GRM1: variants seen among roughly 807,000 people sequenced by gnomAD.
GRM1 encodes the protein glutamate metabotropic receptor 1.
Under a neutral mutation model 90.9 loss-of-function variants are expected in GRM1, and 33 were observed. The observed-to-expected ratio is 0.36, with a 90% CI of 0.28 to 0.49. The LOEUF is 0.49. GRM1 is among the 20% of genes least tolerant of loss of function. The probability of loss-of-function intolerance (pLI) is 0.99; values close to 1 mark genes in which losing one functional copy is unlikely to be tolerated. For missense variants in GRM1, 1,190 were observed against 1,534.3 expected, an observed-to-expected ratio of 0.78 and a Z score of 3.75; for synonymous variants, 700 against 613.2, an observed-to-expected ratio of 1.14 and a Z score of -2.09.
chr6:146,421,358 A>G (rs982727462), intron 7 of GRM1, among the ~76,000 whole-genome samples: 1 of 151,796 alleles, frequency 6.6e-6, no homozygotes, highest in African/African-American at 2.4e-5. Context: ...TATACATAAT[A>G]CTAGTTATAC....
chr6:146,084,555 G>C (rs1776478380), intron 1 of GRM1, among the ~76,000 whole-genome samples: 3 of 152,108 alleles, frequency 2.0e-5, no homozygotes, highest in Admixed American at 1.3e-4. Context: ...TTTTCAGTGA[G>C]TTTCTTAATC....
intron 4 of GRM1, 83 bp downstream of exon 4, chr6:146,352,579 C>A: frequency 7.1e-7 from 1 of 1,407,354 alleles, no homozygotes; most frequent in Non-Finnish European, 1.0e-6. Flanking sequence ...CATCTGGTTC[C>A]ATGGTTTCTG....
chr6:146,284,805 C>T (rs1451484838), intron 2 of GRM1, among the ~76,000 whole-genome samples: 1 of 152,162 alleles, frequency 6.6e-6, no homozygotes, highest in East Asian at 1.9e-4. Context: ...GTCAATTAAA[C>T]CTCTTTTGTT....
intron 2 of GRM1, among the ~76,000 whole-genome samples, chr6:146,192,253 T>A (rs978682025): frequency 6.6e-6 from 1 of 152,186 alleles, no homozygotes; most frequent in Admixed American, 6.6e-5. Context: ...GACAGTATGT[T>A]GAAATAGGAT....
intron 2 of GRM1, among the ~76,000 whole-genome samples, chr6:146,184,849 A>G (rs1778672861): frequency 6.6e-6 from 1 of 152,206 alleles, no homozygotes; most frequent in Non-Finnish European, 1.5e-5. Flanking sequence ...AATGTGTCAG[A>G]GTATTTCCCT....
chr6:146,342,464 T>TA (rs1299370426), intron 3 of GRM1, among the ~76,000 whole-genome samples: 1 of 152,226 alleles, frequency 6.6e-6, no homozygotes, highest in East Asian at 1.9e-4. Context: ...GGACAGTAAC[T>TA]AAGCAAGAGA....
chr6:146,161,529 C>G (rs1777726884), intron 2 of GRM1, among the ~76,000 whole-genome samples: 1 of 152,124 alleles, frequency 6.6e-6, no homozygotes, highest in Admixed American at 6.5e-5. Flanking sequence ...CATGTGATGT[C>G]TACCTCTTTT....
chr6:146,161,478 C>T (rs1051730441), intron 2 of GRM1, among the ~76,000 whole-genome samples: 2 of 152,076 alleles, frequency 1.3e-5, no homozygotes, highest in Non-Finnish European at 2.9e-5. Context: ...GAGAGTCGCA[C>T]ATGTGTTTGT....
chr6:146,221,574 T>A (rs1780063242), intron 2 of GRM1, among the ~76,000 whole-genome samples: 1 of 152,202 alleles, frequency 6.6e-6, no homozygotes, highest in Admixed American at 6.5e-5. Context: ...ATGTACCACA[T>A]TTTCTTTATT....
chr6:146,241,626 A>G lies in GRM1; in HGVS notation c.951-62985A>G, dbSNP rs547221270. ...GTTCCCAAGGTTCACTAACTGTTTA[A>G]TATCCATGCCTTGGTTCATTTCTGA... On this transcript the variant is annotated intron_variant, in intron 2 of 7. Transcript: ENST00000282753. Among the ~76,000 whole-genome samples the G allele has an allele frequency of 6.6e-5, 10 of 152,192 alleles. No individual in the cohort carries two copies. The South Asian group carries it at 2.1e-3, about 32-fold the overall frequency.
chr6:146,160,165 A>G (rs554803734), intron 2 of GRM1, among the ~76,000 whole-genome samples: 1 of 152,314 alleles, frequency 6.6e-6, no homozygotes, highest in African/African-American at 2.4e-5. Flanking sequence ...AATGGAAAAT[A>G]TGTATTAAGA....
intron 2 of GRM1, among the ~76,000 whole-genome samples, chr6:146,224,204 A>G (rs1322560826): frequency 2.0e-5 from 3 of 152,172 alleles, no homozygotes; most frequent in South Asian, 4.1e-4. Context: ...CCAATTCTTT[A>G]AGAAGTTCAG....
intron 2 of GRM1, among the ~76,000 whole-genome samples, chr6:146,234,473 T>A (rs747415008): frequency 1.3e-5 from 2 of 152,104 alleles, no homozygotes; most frequent in Admixed American, 1.3e-4. Flanking sequence ...ATTATTTATA[T>A]CTGTCTGAAT....
At position 146,029,581 on chromosome 6, in the gene GRM1, A is replaced by G. The variant is rs866987614; in HGVS notation, c.64A>G (p.Ser22Gly). The change falls in exon 1 of 8, where the codon AGC becomes GGC. Residue 22 changes from serine (S) to glycine (G), a missense_variant. By Grantham distance (56) the Ser-to-Gly change is moderately conservative (BLOSUM62 0). Around this residue, in one of 10 missense-constraint regions of GRM1, gnomAD observed 44 missense variants for 35.8 expected, o/e 1.23. Coordinates refer to ENST00000282753, the MANE Select transcript of GRM1 (RefSeq NM_001278064.2). ...IFLEVSLLPRSPGRKVLLAGA... is the reference protein window; with the variant it reads ...IFLEVSLLPRGPGRKVLLAGA... ...TTTGGAGGTGTCCCTTCTCCCCAGA[A>G]GCCCCGGCAGGAAAGTGTTGCTGGC... 3.7e-6 allele frequency: 6 copies of G among 1,613,926 alleles called. No individual in the cohort carries two copies. In the African/African-American group the frequency reaches 8.0e-5, roughly 22 times the overall value.
chr6:146,107,649 A>G (rs1285298628), intron 1 of GRM1, among the ~76,000 whole-genome samples: 1 of 152,160 alleles, frequency 6.6e-6, no homozygotes, highest in African/African-American at 2.4e-5. Context: ...TTTCATTTGC[A>G]TTTATCTCAT....
At chr6:146,151,116 G>A (rs1394737745) in intron 1 of GRM1, among the ~76,000 whole-genome samples, 1 of 152,154 alleles carries the variant, frequency 6.6e-6, no homozygotes, top group African/African-American at 2.4e-5. Flanking sequence ...GACAGGGAGT[G>A]ATCTGTGACC....
Position 146,399,367 on chromosome 6 carries a change from C to G in GRM1, c.2328C>G (p.Asn776Lys). Residue 776 changes from asparagine (N) to lysine (K), a missense_variant, in exon 7 of 8, where the codon AAC becomes AAG. Physicochemically the swap from Asn to Lys is moderately conservative, Grantham distance 94. Transcript: ENST00000282753. The surrounding 1 kb of genome is among the most constrained non-coding windows in gnomAD (Gnocchi z 5.4). ...CCTACTATGCCTTCAAGACCCGCAACGTGCCCGCCAACTTCAACGAGGCCA... is the reference window on the plus strand; with the variant it reads ...CCTACTATGCCTTCAAGACCCGCAAGGTGCCCGCCAACTTCAACGAGGCCA... ...SCTYYAFKTR[N>K]VPANFNEAKY... The G allele has an allele frequency of 1.9e-6, 3 of 1,614,150 alleles. No individual in the cohort carries two copies. The highest frequency in any genetic ancestry group is 2.5e-6 in the Non-Finnish European group (3 of 1,180,032).
intron 3 of GRM1, among the ~76,000 whole-genome samples, chr6:146,334,102 T>C (rs1187041566): frequency 6.6e-6 from 1 of 152,148 alleles, no homozygotes; most frequent in African/African-American, 2.4e-5. Flanking sequence ...GCTGAACTTA[T>C]TTGCCTGTGC....
chr6:146,363,777 A>T (rs1014966102), intron 5 of GRM1, among the ~76,000 whole-genome samples: 2 of 152,230 alleles, frequency 1.3e-5, no homozygotes, highest in African/African-American at 4.8e-5. Context: ...ATTCTATGGA[A>T]ATCAGCTAGA....
Sources: gnomAD v4.1 joint callset for allele counts (sites outside exome capture counted in the v4.1 genomes callset) on GRCh38, gnomAD v4.1.1 for gene constraint, gnomAD v4.1.1 regional missense constraint, Gnocchi (gnomAD v3.1) non-coding constraint, MANE v1.5 for transcripts, NCBI Gene and HGNC (gene_info 2026-07-23, HGNC 2026-07-21) for gene names.